The following KPNA7 variants were observed in gnomAD, a reference collection of about 807,000 sequenced individuals.
KPNA7 encodes importin subunit alpha-8.
Under a neutral mutation model 53.7 loss-of-function variants are expected in KPNA7, and 54 were observed. The ratio of observed to expected loss-of-function variants is 1.01; its 90% CI spans 0.81 to 1.26. The LOEUF (loss-of-function observed/expected upper bound fraction) is 1.26, where lower values mean the gene tolerates loss of function less well. Among genes scored for constraint, KPNA7 ranks in the 50% most tolerant of loss-of-function variants. The pLI is 0.00. For synonymous variants in KPNA7, 276 were observed against 259.3 expected (o/e 1.06, Z -0.62); for missense variants, 640 against 644.5 (o/e 0.99, Z 0.07).
At chr7:99,203,998 C>T (rs1790674352) in intron 2 of KPNA7, among the ~76,000 whole-genome samples, 2 of 152,160 alleles carry the variant, frequency 1.3e-5, no homozygotes. Context: ...GGCTGAGCAA[C>T]TGTGCATGGC....
At chr7:99,156,176 C>A in the KPNA7 span, among the ~76,000 whole-genome samples, 1 of 152,214 alleles carries the variant, frequency 6.6e-6, no homozygotes, top group Admixed American at 6.6e-5. Flanking sequence ...TCTCAAGTAA[C>A]TTCCTTAGTA....
chr7:99,194,512 G>C (rs1790129050), intron 5 of KPNA7, among the ~76,000 whole-genome samples: 1 of 152,202 alleles, frequency 6.6e-6, no homozygotes, highest in African/African-American at 2.4e-5. Flanking sequence ...TAGGACCTTA[G>C]TGTTGGCAGA....
the KPNA7 span, among the ~76,000 whole-genome samples, chr7:99,163,378 TATATA>T: frequency 5.0e-3 from 349 of 70,292 alleles, 1 homozygote; most frequent in East Asian, 0.017. Flanking sequence ...TATATATATA[TATATA>T]TTTTTTTTTT....
the KPNA7 span, among the ~76,000 whole-genome samples, chr7:99,149,531 T>C: frequency 6.6e-6 from 1 of 152,214 alleles, no homozygotes; most frequent in Non-Finnish European, 1.5e-5. Flanking sequence ...TAAATGGCAG[T>C]TCTTATTAGT....
Position 99,181,892 on chromosome 7 carries a change from G to A in KPNA7, c.1308C>T (p.Cys436=), listed in dbSNP as rs1789264511. ...IVLIILDVIS[C]ILQAAEKRSE... is the part of the protein sequence containing the mutation. ...GTTCAGAACGGCTCACCTGGAGGAT[G>A]CAAGAGATGACATCAAGGATGATGA... The change falls in exon 9 of 11, where the codon TGC becomes TGT. Residue 436 remains cysteine, a synonymous_variant. Coordinates refer to ENST00000327442, the MANE Select transcript of KPNA7 (RefSeq NM_001145715.3). The A allele has an allele frequency of 3.2e-6, 5 of 1,544,452 alleles. No individual in the cohort carries two copies. The highest frequency in any genetic ancestry group is 1.4e-5 in the African/African-American group (1 of 72,996).
chr7:99,202,777 T>G (rs964120489), intron 3 of KPNA7, among the ~76,000 whole-genome samples: 2 of 151,974 alleles, frequency 1.3e-5, no homozygotes, highest in African/African-American at 4.8e-5. Context: ...CCCAGGGAGA[T>G]TAGGGCTGCA....
At chr7:99,218,137 C>T (rs1791259845) in intron 1 of KPNA7, among the ~76,000 whole-genome samples, 1 of 152,068 alleles carries the variant, frequency 6.6e-6, no homozygotes, top group Non-Finnish European at 1.5e-5. Flanking sequence ...GTAGCCAGGA[C>T]CACAGGCATG....
Position 99,188,546 on chromosome 7 carries a change from G to A in KPNA7, c.654C>T (p.Asn218=), listed in dbSNP as rs1054923443. 1 of 1,551,508 alleles carries A rather than the reference G, an allele frequency of 6.4e-7. No individual in the cohort carries two copies. The highest frequency in any genetic ancestry group is 1.4e-5 in the African/African-American group (1 of 73,186). ...SPTLPITFLR[N]ITWTLSNLCR... Reference sequence around the variant, plus strand: ...ACAGATTCGACAAGGTCCACGTGATGTTCCGCAGAAATGTGATCTGTAACA... The same window carrying A: ...ACAGATTCGACAAGGTCCACGTGATATTCCGCAGAAATGTGATCTGTAACA... The change falls in exon 7 of 11, where the codon AAC becomes AAT. Residue 218 remains asparagine (N), a synonymous_variant. Coordinates refer to ENST00000327442, the MANE Select transcript of KPNA7 (RefSeq NM_001145715.3).
chr7:99,188,090 G>A (rs983305989), intron 7 of KPNA7, among the ~76,000 whole-genome samples: 9 of 146,446 alleles, frequency 6.1e-5, no homozygotes, highest in African/African-American at 1.0e-4. Context: ...TAGGAGAATC[G>A]CTTGAACCTG....
chr7:99,177,389 C>T (rs987955082), intron 10 of KPNA7, among the ~76,000 whole-genome samples: 1 of 152,030 alleles, frequency 6.6e-6, no homozygotes, highest in African/African-American at 2.4e-5. Flanking sequence ...TTGAGACCAG[C>T]CTGGCTAACA....
At chr7:99,218,069 G>A (rs1336062137) in intron 1 of KPNA7, among the ~76,000 whole-genome samples, 2 of 152,036 alleles carry the variant, frequency 1.3e-5, no homozygotes, top group Non-Finnish European at 1.5e-5. Flanking sequence ...AAGTGATCTC[G>A]GCTCACTGCA....
downstream of KPNA7, among the ~76,000 whole-genome samples, chr7:99,170,052 G>A (rs899943600): frequency 2.0e-5 from 3 of 152,084 alleles, no homozygotes; most frequent in Non-Finnish European, 4.4e-5. Flanking sequence ...AAAAAAATCT[G>A]CAGCTCTGAT....
At chr7:99,151,633 T>C in the KPNA7 span, among the ~76,000 whole-genome samples, 1 of 151,752 alleles carries the variant, frequency 6.6e-6, no homozygotes, top group Non-Finnish European at 1.5e-5. Flanking sequence ...AAAAAATTTT[T>C]TTTTCTAGAG....
In KPNA7 at chr7:99,180,037, G is replaced by C. The variant is rs77609194; in HGVS notation, c.1317+1846C>G. ...CCAATAGGATGTTGTGGAAGTGACAGAATGTGACCTCCAAGGTCACGTCAT... is the reference window on the plus strand; with the variant it reads ...CCAATAGGATGTTGTGGAAGTGACACAATGTGACCTCCAAGGTCACGTCAT... On this transcript the variant is annotated intron_variant, in intron 9 of 10. Transcript: ENST00000327442. Among the ~76,000 whole-genome samples the C allele has an allele frequency of 1.1e-4, 16 of 152,298 alleles. No individual in the cohort carries two copies. In the East Asian group the frequency reaches 2.7e-3, roughly 26 times the overall value.
At chr7:99,156,774 C>G in the KPNA7 span, among the ~76,000 whole-genome samples, 1 of 152,160 alleles carries the variant, frequency 6.6e-6, no homozygotes, top group African/African-American at 2.4e-5. Flanking sequence ...ATCCACCCCC[C>G]TTGGCCTCCC....
At chr7:99,186,875 A>G (rs1351004026) in intron 7 of KPNA7, among the ~76,000 whole-genome samples, 2 of 152,222 alleles carry the variant, frequency 1.3e-5, no homozygotes, top group African/African-American at 2.4e-5. Flanking sequence ...CTAAGGCTGC[A>G]GAATATGCAA....
rs1263582134 is a variant in KPNA7 at position 99,205,245 on chromosome 7, A to C, written c.67-2005T>G. Among the ~76,000 whole-genome samples the C allele has an allele frequency of 4.6e-5, 7 of 151,168 alleles. No homozygotes were observed. In the East Asian group the frequency reaches 1.2e-3, roughly 25 times the overall value. ...GAGACCATCCTGGCCAACATGTTGA[A>C]ACCCCATCTCTACCAAAATGCAAAA... On this transcript the variant is annotated intron_variant, in intron 2 of 10. Transcript: ENST00000327442.
intron 1 of KPNA7, among the ~76,000 whole-genome samples, chr7:99,217,577 C>T (rs1291081196): frequency 1.4e-5 from 2 of 147,130 alleles, no homozygotes; most frequent in African/African-American, 5.1e-5. Context: ...GAGAGGACAG[C>T]CAGGGAGGAG....
intron 1 of KPNA7, among the ~76,000 whole-genome samples, chr7:99,213,914 CATTT>C (rs538070574): frequency 1.8e-3 from 269 of 152,230 alleles, no homozygotes; most frequent in African/African-American, 5.9e-3. Flanking sequence ...TGGCCCAAAA[CATTT>C]ATTATGTGCC....
Sources: allele counts gnomAD v4.1 joint callset (sites outside exome capture counted in the v4.1 genomes callset), GRCh38; gene constraint gnomAD v4.1.1; transcripts MANE v1.5; gene names NCBI Gene and HGNC (gene_info 2026-07-23, HGNC 2026-07-21).